Variants in ZNF560 observed in about 807,000 individuals in gnomAD.
ZNF560 encodes the protein zinc finger protein 560.
In ZNF560, 54 loss-of-function variants were observed where a neutral mutation model predicts 81.8. That is an observed-to-expected ratio of 0.66 (90% CI 0.53 to 0.83). ZNF560 has a LOEUF of 0.83. ZNF560 is among the 40% of genes least tolerant of loss of function. The pLI, the probability that ZNF560 is intolerant of heterozygous loss-of-function variation, is 0.00. For missense variants in ZNF560, 940 were observed against 932.4 expected, an observed-to-expected ratio of 1.01 and a Z score of -0.11; for synonymous variants, 321 against 317.9, an observed-to-expected ratio of 1.01 and a Z score of -0.10.
At chr19:9,456,202 G>C in the ZNF560 span, among the ~76,000 whole-genome samples, 1 of 152,176 alleles carries the variant, frequency 6.6e-6, no homozygotes, top group Admixed American at 6.5e-5. Flanking sequence ...TTGCACCAGG[G>C]CTGTGAGTCT....
At chr19:9,470,826 G>A (rs2073109780) in intron 6 of ZNF560, among the ~76,000 whole-genome samples, 1 of 152,186 alleles carries the variant, frequency 6.6e-6, no homozygotes, top group African/African-American at 2.4e-5. Context: ...CTTGATAAAT[G>A]AGGATATGGA....
At chr19:9,475,237 G>A (rs2073182026) in intron 3 of ZNF560, 47 bp downstream of exon 3, 1 of 1,600,676 alleles carries the variant, frequency 6.2e-7, no homozygotes, top group African/African-American at 1.3e-5. Flanking sequence ...GTGTTTACCT[G>A]GTGATGCAAG....
At chr19:9,457,069 C>A in the ZNF560 span, among the ~76,000 whole-genome samples, 1 of 152,096 alleles carries the variant, frequency 6.6e-6, no homozygotes, top group Admixed American at 6.5e-5. Flanking sequence ...GAACAGTGGC[C>A]GCTGAGTAAA....
chr19:9,447,456 CA>C, the ZNF560 span, among the ~76,000 whole-genome samples: 1 of 151,940 alleles, frequency 6.6e-6, no homozygotes, highest in Non-Finnish European at 1.5e-5. Flanking sequence ...CAGCTAGATC[CA>C]AGACAAGATT....
downstream of ZNF560, among the ~76,000 whole-genome samples, chr19:9,464,615 A>G (rs2072986590): frequency 6.6e-6 from 1 of 152,250 alleles, no homozygotes; most frequent in South Asian, 2.1e-4. Flanking sequence ...TACCTTGGCC[A>G]GTGTGAGCCA....
the ZNF560 span, among the ~76,000 whole-genome samples, chr19:9,455,881 C>G: frequency 6.6e-6 from 1 of 152,022 alleles, no homozygotes; most frequent in Non-Finnish European, 1.5e-5. Flanking sequence ...TTTCCTGAAG[C>G]TTGTTTCAAC....
the ZNF560 span, among the ~76,000 whole-genome samples, chr19:9,459,282 C>T: frequency 1.3e-5 from 2 of 152,226 alleles, no homozygotes; most frequent in East Asian, 1.9e-4. Flanking sequence ...GCCTAAAGGC[C>T]GATTGTTATC....
At chr19:9,480,708 G>A (rs554133563) in intron 2 of ZNF560, among the ~76,000 whole-genome samples, 60 of 152,074 alleles carry the variant, frequency 3.9e-4, no homozygotes, top group Admixed American at 3.7e-3. Context: ...GGGAGGCTGA[G>A]TTAAAAGGAT....
At chr19:9,492,304 T>A (rs189496952) in intron 2 of ZNF560, among the ~76,000 whole-genome samples, 11 of 152,280 alleles carry the variant, frequency 7.2e-5, no homozygotes, top group Admixed American at 6.5e-4. Flanking sequence ...ACTCCTATCA[T>A]GAAGGTGACT....
chr19:9,499,232 G>A (rs1299310807), upstream of ZNF560, among the ~76,000 whole-genome samples: 1 of 151,866 alleles, frequency 6.6e-6, no homozygotes, highest in African/African-American at 2.4e-5. Flanking sequence ...GGAATGCAGT[G>A]GTAGGAACAC....
In ZNF560 at chr19:9,466,492, C is replaced by T; in HGVS notation, c.*82G>A. 2 of 1,308,132 alleles carry T rather than the reference C, an allele frequency of 1.5e-6. No individual in the cohort carries two copies. The highest frequency in any genetic ancestry group is 2.1e-6 in the Non-Finnish European group (2 of 946,044). The allele number at this position is 1,308,132 out of a possible 1,614,324, so 81.0% of individuals were successfully genotyped here. A position where few individuals can be genotyped will look rare whatever the true frequency, so the allele number is the denominator to read the frequency against. ...CCTTACATTGATAGTGTTACTTTCT[C>T]CTGTGAATTTTTACATGTTCAGTTA... On this transcript the variant is annotated 3_prime_UTR_variant, in exon 10 of 10. Transcript: ENST00000301480.
chr19:9,499,523 A>C (rs1219245475), upstream of ZNF560, among the ~76,000 whole-genome samples: 4 of 151,980 alleles, frequency 2.6e-5, no homozygotes, highest in Non-Finnish European at 4.4e-5. Context: ...TTTCTTCTTC[A>C]ACAATGTATT....
chr19:9,476,783 TTATCCAGTCTTATG>T (rs1230151813), intron 2 of ZNF560, among the ~76,000 whole-genome samples: 3 of 152,162 alleles, frequency 2.0e-5, no homozygotes, highest in Non-Finnish European at 4.4e-5. Flanking sequence ...TTCTTTATAA[TTATCCAGTCTTATG>T]TATTTTTTCA....
the ZNF560 span, among the ~76,000 whole-genome samples, chr19:9,453,488 G>T: frequency 1.2e-3 from 180 of 152,214 alleles, 1 homozygote; most frequent in African/African-American, 3.9e-3. Context: ...GGAATGAAAA[G>T]GGGTATGCAA....
intron 2 of ZNF560, among the ~76,000 whole-genome samples, chr19:9,481,778 G>C (rs2073293303): frequency 6.6e-6 from 1 of 152,162 alleles, no homozygotes; most frequent in Non-Finnish European, 1.5e-5. Flanking sequence ...GAAACAACAG[G>C]TGCTGGAGAG....
At chr19:9,465,279 T>C (rs918043404), downstream of ZNF560, among the ~76,000 whole-genome samples, 2 of 152,070 alleles carry the variant, frequency 1.3e-5, no homozygotes, top group African/African-American at 4.8e-5. Context: ...TACAGGGGTG[T>C]ACCACCATGC....
Position 9,475,264 on chromosome 19 carries a change from A to G in ZNF560, c.30+20T>C. On this transcript the variant is annotated intron_variant, in intron 3 of 9. Coordinates refer to ENST00000301480, the MANE Select transcript of ZNF560 (RefSeq NM_152476.3). Reference sequence around the variant, plus strand: ...TGATGCAAGTATGTCATTTTGTGGAAGTATACATTTTCTGCATACCTGATA... The same window carrying G: ...TGATGCAAGTATGTCATTTTGTGGAGGTATACATTTTCTGCATACCTGATA... 6.2e-7 allele frequency: 1 copy of G among 1,612,862 alleles called. No individual in the cohort carries two copies. The highest frequency in any genetic ancestry group is 8.5e-7 in the Non-Finnish European group (1 of 1,179,314).
upstream of ZNF560, chr19:9,498,718 C>G (rs1415368923): frequency 6.6e-6 from 1 of 152,324 alleles, no homozygotes; most frequent in East Asian, 1.9e-4. Context: ...TAGTTTCCCT[C>G]CGCGTGGGTG....
At chr19:9,482,507 C>A (rs951466854) in intron 2 of ZNF560, among the ~76,000 whole-genome samples, 1 of 151,936 alleles carries the variant, frequency 6.6e-6, no homozygotes, top group African/African-American at 2.4e-5. Context: ...GGCATGGTAG[C>A]ACAAACCTGT....
Sources: gnomAD v4.1 joint callset for allele counts (sites outside exome capture counted in the v4.1 genomes callset) on GRCh38, gnomAD v4.1.1 for gene constraint, MANE v1.5 for transcripts, NCBI Gene and HGNC (gene_info 2026-07-23, HGNC 2026-07-21) for gene names.